Variants in FAM107B observed in about 807,000 individuals in gnomAD.
FAM107B encodes protein FAM107B.
Under a neutral mutation model 31.5 loss-of-function variants are expected in FAM107B, and 21 were observed. The ratio of observed to expected loss-of-function variants is 0.67; its 90% CI spans 0.47 to 0.96. FAM107B has a LOEUF of 0.96. Among genes scored for constraint, FAM107B ranks in the 40% least tolerant of loss-of-function variants. The pLI is 0.00. For synonymous variants in FAM107B, 157 were observed against 141.5 expected (o/e 1.11, Z -0.78); for missense variants, 452 against 377.1 (o/e 1.20, Z -1.64).
chr10:14,663,908 A>AAG (rs1409220257), intron 2 of FAM107B, among the ~76,000 whole-genome samples: 1 of 148,188 alleles, frequency 6.7e-6, no homozygotes, highest in Non-Finnish European at 1.5e-5. Context: ...AAAAAAAAAA[A>AAG]AAAAATGGGC....
At chr10:14,688,669 G>A (rs1188089881) in intron 1 of FAM107B, among the ~76,000 whole-genome samples, 1 of 152,184 alleles carries the variant, frequency 6.6e-6, no homozygotes, top group East Asian at 1.9e-4. Context: ...ATGTTACCTA[G>A]AATTTGAGTG....
intron 1 of FAM107B, among the ~76,000 whole-genome samples, chr10:14,690,814 TGGAACCTTGACTGATATATAA>T (rs1269205812): frequency 6.6e-6 from 1 of 152,286 alleles, no homozygotes; most frequent in East Asian, 1.9e-4. Context: ...TGTTTCCTGC[TGGAACCTTGACTGATATATAA>T]GAAACAGATC....
Position 14,770,524 on chromosome 10 carries a change from AAAAAAT to A in FAM107B, c.411+3723_411+3728del, listed in dbSNP as rs1317036587. On this transcript the variant is annotated intron_variant, in intron 1 of 4. Transcript: ENST00000181796. ...GGTGATGGAGCAAGACTCTGCCTCA[AAAAAAT>A]AAAAATAAAAATAAAATAAAATAAA... 9.9e-4 allele frequency among the ~76,000 whole-genome samples: 151 copies of A among 152,288 alleles called. 2 individuals are homozygous for A. The highest frequency in any genetic ancestry group is 9.7e-3 in the Admixed American group (149 of 15,300).
chr10:14,575,193 G>T (rs888636015), intron 2 of FAM107B, among the ~76,000 whole-genome samples: 4 of 147,194 alleles, frequency 2.7e-5, no homozygotes, highest in African/African-American at 7.5e-5. Flanking sequence ...ACACGCTAAA[G>T]AAGCTTTTTG....
intron 1 of FAM107B, among the ~76,000 whole-genome samples, chr10:14,711,764 C>T (rs949029472): frequency 7.2e-5 from 11 of 152,212 alleles, no homozygotes; most frequent in African/African-American, 2.4e-4. Context: ...CTGCCTCAGC[C>T]TCATGAGTAG....
chr10:14,582,375 CTTTTTTTTT>C (rs71388188), intron 2 of FAM107B, among the ~76,000 whole-genome samples: 91 of 112,082 alleles, frequency 8.1e-4, no homozygotes, highest in Non-Finnish European at 1.3e-3. Context: ...TTTTTCTTTT[CTTTTTTTTT>C]TTTTTTTTTT....
intron 1 of FAM107B, among the ~76,000 whole-genome samples, chr10:14,684,788 G>A (rs1467314448): frequency 6.6e-6 from 1 of 151,124 alleles, no homozygotes; most frequent in Non-Finnish European, 1.5e-5. Flanking sequence ...ATATTGAATA[G>A]ATGATTTCCT....
At chr10:14,565,524 G>C (rs149242984) in intron 2 of FAM107B, among the ~76,000 whole-genome samples, 1 of 152,288 alleles carries the variant, frequency 6.6e-6, no homozygotes, top group Non-Finnish European at 1.5e-5. Context: ...CAGTTCAATG[G>C]ATCAGAGAAA....
At chr10:14,669,367 C>CAAAAA (rs34544529) in intron 1 of FAM107B, among the ~76,000 whole-genome samples, 1 of 119,282 alleles carries the variant, frequency 8.4e-6, no homozygotes, top group African/African-American at 3.2e-5. Flanking sequence ...GAGACTCTGT[C>CAAAAA]AAAAAAAAAA....
At chr10:14,671,880 A>AAAC (rs1854559006) in intron 1 of FAM107B, among the ~76,000 whole-genome samples, 1 of 53,096 alleles carries the variant, frequency 1.9e-5, no homozygotes, top group Admixed American at 2.0e-4. Context: ...TTTAAAAAAA[A>AAAC]AAAACAAAAA....
chr10:14,530,296 T>C, intron 3 of FAM107B, 36 bp downstream of exon 3: 1 of 1,577,204 alleles, frequency 6.3e-7, no homozygotes, highest in Non-Finnish European at 8.6e-7. Context: ...TTAAAAGTCC[T>C]CTTAAAAAAA....
intron 1 of FAM107B, among the ~76,000 whole-genome samples, chr10:14,668,682 A>G (rs1854468036): frequency 6.6e-6 from 1 of 152,176 alleles, no homozygotes; most frequent in Non-Finnish European, 1.5e-5. Flanking sequence ...CCCTTCATTA[A>G]ACAAATATTT....
chr10:14,773,974 G>T (rs753328841), intron 1 of FAM107B, among the ~76,000 whole-genome samples: 2 of 152,196 alleles, frequency 1.3e-5, no homozygotes, highest in Admixed American at 1.3e-4. Context: ...GTTATTGAGT[G>T]AGCCATTTTT....
chr10:14,728,680 G>A (rs1856093741), intron 1 of FAM107B, among the ~76,000 whole-genome samples: 1 of 152,126 alleles, frequency 6.6e-6, no homozygotes, highest in South Asian at 2.1e-4. Flanking sequence ...GCTGTGGGGG[G>A]ACACACGTGC....
intron 1 of FAM107B, among the ~76,000 whole-genome samples, chr10:14,697,315 C>G (rs1036445361): frequency 6.6e-6 from 1 of 152,206 alleles, no homozygotes; most frequent in Non-Finnish European, 1.5e-5. Flanking sequence ...AACCAGGTCC[C>G]CGAAATGGAG....
At chr10:14,602,351 T>C (rs188402829) in intron 2 of FAM107B, 1 of 152,356 alleles carries the variant, frequency 6.6e-6, no homozygotes, top group East Asian at 1.9e-4. Context: ...TTCTAAACGG[T>C]TGTCTCAAAG....
Position 14,603,721 on chromosome 10 carries a change from GGAAA to G in FAM107B, c.469+63909_469+63912del, listed in dbSNP as rs368972069. Among the ~76,000 whole-genome samples, 491 of 152,290 alleles carry G rather than the reference GGAAA, an allele frequency of 3.2e-3. 3 individuals carry two copies. In the South Asian group the frequency reaches 0.032, roughly 10 times the overall value. ...GGGGAGAAAGAGAAGAGGCAAAAGAGGAAAAGTTACTTGCAGACTGGAGTCAGTG... is the reference window on the plus strand; with the variant it reads ...GGGGAGAAAGAGAAGAGGCAAAAGAGAGTTACTTGCAGACTGGAGTCAGTG... On this transcript the variant is annotated intron_variant, in intron 2 of 4. Coordinates refer to ENST00000181796, the MANE Select transcript of FAM107B (RefSeq NM_031453.4).
chr10:14,581,529 CA>C (rs1359714579), intron 2 of FAM107B, among the ~76,000 whole-genome samples: 1 of 152,234 alleles, frequency 6.6e-6, no homozygotes, highest in East Asian at 1.9e-4. Flanking sequence ...CAGCCTCATC[CA>C]GCCATCAGGA....
intron 3 of FAM107B, chr10:14,528,148 C>T (rs1302654801): frequency 1.1e-5 from 2 of 178,070 alleles, no homozygotes; most frequent in Non-Finnish European, 1.2e-5. Context: ...CATTTTCATA[C>T]ACGCTATTAT....
Sources: gnomAD v4.1 joint callset for allele counts (sites outside exome capture counted in the v4.1 genomes callset) on GRCh38, gnomAD v4.1.1 for gene constraint, MANE v1.5 for transcripts, NCBI Gene and HGNC (gene_info 2026-07-23, HGNC 2026-07-21) for gene names.